Variants in ERC2 observed in about 807,000 individuals in gnomAD.
The protein encoded by ERC2 is ERC protein 2.
In ERC2, 42 loss-of-function variants were observed where a neutral mutation model predicts 114.8. That is an observed-to-expected ratio of 0.37 (90% CI 0.29 to 0.47). The LOEUF (loss-of-function observed/expected upper bound fraction) is 0.47. Among genes scored for constraint, ERC2 ranks in the 20% least tolerant of loss-of-function variants. The pLI, the probability that ERC2 is intolerant of heterozygous loss-of-function variation, is 0.99. For missense variants in ERC2, 939 were observed against 1,150.7 expected (o/e 0.82, Z 2.66); for synonymous variants, 454 against 425.5 (o/e 1.07, Z -0.82).
intron 6 of ERC2, among the ~76,000 whole-genome samples, chr3:56,112,447 A>G (rs2079013238): frequency 6.6e-6 from 1 of 151,854 alleles, no homozygotes; most frequent in South Asian, 2.1e-4. Context: ...ACACACACAC[A>G]CACACACACA....
chr3:55,814,029 A>G (rs901804057), intron 14 of ERC2, among the ~76,000 whole-genome samples: 3 of 152,232 alleles, frequency 2.0e-5, no homozygotes, highest in African/African-American at 4.8e-5. Flanking sequence ...GGGATGAAGT[A>G]AGATATGAAG....
At chr3:55,785,789 C>T (rs2069438981) in intron 14 of ERC2, among the ~76,000 whole-genome samples, 1 of 152,294 alleles carries the variant, frequency 6.6e-6, no homozygotes, top group East Asian at 1.9e-4. Flanking sequence ...TTCTCCTGCC[C>T]CGCTGAGTTC....
intron 3 of ERC2, among the ~76,000 whole-genome samples, chr3:56,182,216 G>A (rs2083327961): frequency 6.6e-6 from 1 of 152,080 alleles, no homozygotes; most frequent in Non-Finnish European, 1.5e-5. Flanking sequence ...CACTGAACAT[G>A]GCCACAATTT....
intron 1 of ERC2, among the ~76,000 whole-genome samples, chr3:56,448,005 A>G (rs1188502279): frequency 6.6e-6 from 1 of 152,124 alleles, no homozygotes; most frequent in Non-Finnish European, 1.5e-5. Flanking sequence ...GGCCTCCCAA[A>G]GTGCTAGGAT....
chr3:56,197,475 A>G (rs780617183), intron 3 of ERC2, among the ~76,000 whole-genome samples: 4 of 152,218 alleles, frequency 2.6e-5, no homozygotes, highest in Non-Finnish European at 5.9e-5. Flanking sequence ...GCCAGAATTT[A>G]GTCACATGAC....
chr3:56,420,753 G>C (rs1301958084), intron 2 of ERC2, among the ~76,000 whole-genome samples: 1 of 151,770 alleles, frequency 6.6e-6, no homozygotes, highest in Admixed American at 6.6e-5. Flanking sequence ...AATTATCTGG[G>C]TGTGGTGGTG....
At chr3:55,658,923 GC>G (rs1415175433) in intron 17 of ERC2, 2 of 152,692 alleles carry the variant, frequency 1.3e-5, no homozygotes, top group African/African-American at 4.8e-5. Flanking sequence ...ATGTCACAGT[GC>G]CTCAGGACAC....
intron 10 of ERC2, chr3:56,003,031 C>T (rs1412220702): frequency 1.4e-5 from 16 of 1,173,022 alleles, no homozygotes; most frequent in South Asian, 3.8e-5. Context: ...TATGGCACAC[C>T]GTGACTGGTG....
intron 13 of ERC2, among the ~76,000 whole-genome samples, chr3:55,894,762 T>G (rs1265884298): frequency 6.6e-6 from 1 of 152,194 alleles, no homozygotes; most frequent in Non-Finnish European, 1.5e-5. Context: ...TTCAAGTACC[T>G]CTTGTGAAGT....
intron 12 of ERC2, among the ~76,000 whole-genome samples, chr3:55,958,260 A>G (rs2068102864): frequency 6.6e-6 from 1 of 152,144 alleles, no homozygotes; most frequent in African/African-American, 2.4e-5. Flanking sequence ...AGAGTCGAGG[A>G]GATCTGAAGC....
At chr3:55,995,072 C>T (rs528040375) in intron 10 of ERC2, among the ~76,000 whole-genome samples, 5 of 152,282 alleles carry the variant, frequency 3.3e-5, no homozygotes, top group African/African-American at 9.6e-5. Flanking sequence ...CGGTGGCTCA[C>T]GCCTGTAAAC....
At chr3:55,902,943 A>G (rs2064222715) in intron 13 of ERC2, among the ~76,000 whole-genome samples, 1 of 152,248 alleles carries the variant, frequency 6.6e-6, no homozygotes, top group African/African-American at 2.4e-5. Flanking sequence ...CCTGATGTGC[A>G]TAATTTTCAT....
intron 2 of ERC2, among the ~76,000 whole-genome samples, chr3:56,427,733 C>T (rs1243211566): frequency 5.9e-5 from 9 of 152,086 alleles, no homozygotes; most frequent in Admixed American, 4.6e-4. Flanking sequence ...AGGAGAGAGG[C>T]CTGGAACAGA....
At chr3:56,363,503 T>A (rs1372385160) in intron 2 of ERC2, among the ~76,000 whole-genome samples, 3 of 152,134 alleles carry the variant, frequency 2.0e-5, no homozygotes, top group African/African-American at 7.2e-5. Flanking sequence ...GGAGAATTTA[T>A]ACAGTGAGAA....
intron 14 of ERC2, among the ~76,000 whole-genome samples, chr3:55,802,009 CTG>C (rs908074422): frequency 1.3e-5 from 2 of 152,232 alleles, no homozygotes; most frequent in African/African-American, 4.8e-5. Flanking sequence ...GGACCACACT[CTG>C]AGAACTACCA....
intron 17 of ERC2, among the ~76,000 whole-genome samples, chr3:55,576,642 GCC>G (rs2056995297): frequency 6.6e-6 from 1 of 152,218 alleles, no homozygotes; most frequent in South Asian, 2.1e-4. Context: ...TCCGAGCCAA[GCC>G]AAGAGATAGA....
intron 6 of ERC2, among the ~76,000 whole-genome samples, chr3:56,130,653 A>G (rs999301892): frequency 2.2e-4 from 34 of 152,194 alleles, no homozygotes; most frequent in African/African-American, 8.2e-4. Context: ...AATAGTCCAG[A>G]ATTTGCCACA....
intron 17 of ERC2, among the ~76,000 whole-genome samples, chr3:55,547,082 G>GT (rs1485849583): frequency 6.6e-6 from 1 of 152,212 alleles, no homozygotes; most frequent in African/African-American, 2.4e-5. Context: ...TGGTAATAGC[G>GT]TATCTCTGTA....
chr3:55,898,406 T>G (rs1228650861), intron 13 of ERC2, among the ~76,000 whole-genome samples: 1 of 152,124 alleles, frequency 6.6e-6, no homozygotes, highest in East Asian at 1.9e-4. Flanking sequence ...AGTATAGGGA[T>G]AGTAAAGGAT....
Sources: gnomAD v4.1 joint callset for allele counts (sites outside exome capture counted in the v4.1 genomes callset) on GRCh38, gnomAD v4.1.1 for gene constraint, MANE v1.5 for transcripts, NCBI Gene and HGNC (gene_info 2026-07-23, HGNC 2026-07-21) for gene names.